Variants in VPS16 observed in about 807,000 individuals in gnomAD.
VPS16 encodes the protein vacuolar protein sorting-associated protein 16 homolog.
A neutral mutation model predicts 116.0 loss-of-function variants in VPS16; 82 were observed. The ratio of observed to expected loss-of-function variants is 0.71; its 90% CI spans 0.59 to 0.85. The LOEUF is 0.85. Ranked by LOEUF, VPS16 falls within the 40% of genes least tolerant of loss-of-function variation. The pLI, the probability that VPS16 is intolerant of heterozygous loss-of-function variation, is 0.00. For synonymous variants in VPS16, 406 were observed against 420.7 expected, an observed-to-expected ratio of 0.96 and a Z score of 0.43; for missense variants, 928 against 1,090.6, an observed-to-expected ratio of 0.85 and a Z score of 2.10.
intron 7 of VPS16, 63 bp downstream of exon 7, chr20:2,861,155 T>C: frequency 1.2e-6 from 2 of 1,614,144 alleles, no homozygotes; most frequent in South Asian, 2.2e-5. Flanking sequence ...CTTTTGGTGA[T>C]GCGGGAGGGC....
At position 2,856,980 on chromosome 20, in the gene VPS16, C is replaced by CT. The variant is rs3053469; in HGVS notation, c.54-2724dup. Reference sequence around the variant, plus strand: ...TGAACTTTTTTTTCTTTTTCTTTTTCTTTTTTTTTTTTTTTGAGACAGAGT... The same window carrying CT: ...TGAACTTTTTTTTCTTTTTCTTTTTCTTTTTTTTTTTTTTTTGAGACAGAGT... On this transcript the variant is annotated intron_variant, in intron 1 of 23. Coordinates refer to ENST00000380445, the MANE Select transcript of VPS16 (RefSeq NM_022575.4). Among the ~76,000 whole-genome samples, 187 of 142,128 alleles carry CT rather than the reference C, an allele frequency of 1.3e-3. 1 individual carries two copies. The highest frequency in any genetic ancestry group is 2.4e-3 in the Admixed American group (34 of 14,322). 93.2% of individuals were successfully genotyped at this position (142,128 alleles called of 152,430 possible).
At position 2,864,021 on chromosome 20, in the gene VPS16, GT is replaced by G; in HGVS notation, c.1550del (p.Val517AlafsTer37). 1 of 1,614,180 alleles carries G rather than the reference GT, an allele frequency of 6.2e-7. No individual in the cohort carries two copies. The highest frequency in any genetic ancestry group is 8.5e-7 in the Non-Finnish European group (1 of 1,180,028). ...CCAGAAGCTGGGGGACACGCCTGGTGTCTCTTACTCCGACATTGCTGCACGA... is the reference window on the plus strand; with the variant it reads ...CCAGAAGCTGGGGGACACGCCTGGTGCTCTTACTCCGACATTGCTGCACGA... ...INQKLGDTPG[V>X]SYSDIAARAY... On this transcript the variant is annotated frameshift_variant, in exon 16 of 24. Transcript: ENST00000380445. LOFTEE classifies it high-confidence loss of function. This position sits in a 1 kb window ranked among gnomAD's most constrained non-coding sequence, Gnocchi z 5.2.
intron 7 of VPS16, 53 bp downstream of exon 7, chr20:2,861,145 C>G (rs2089223666): frequency 1.9e-6 from 3 of 1,614,176 alleles, no homozygotes; most frequent in South Asian, 1.1e-5. Flanking sequence ...GGTACAAGAT[C>G]TTTTGGTGAT....
At chr20:2,845,762 C>T (rs1366435808) in intron 1 of VPS16, among the ~76,000 whole-genome samples, 2 of 152,128 alleles carry the variant, frequency 1.3e-5, no homozygotes, top group Non-Finnish European at 2.9e-5. Flanking sequence ...CCTCAAACAA[C>T]TCCCCATTTC....
In VPS16 at chr20:2,859,699, G is replaced by A; in HGVS notation, c.54-20G>A. On this transcript the variant is annotated intron_variant, in intron 1 of 23. Coordinates refer to ENST00000380445, the MANE Select transcript of VPS16 (RefSeq NM_022575.4). ...ATGCAGGGTAATGAGGCTAATTTCT[G>A]CTCATCTCTGTGTGGGCAGGAAATA... 1 of 1,612,764 alleles carries A rather than the reference G, an allele frequency of 6.2e-7. No individual in the cohort carries two copies. The highest frequency in any genetic ancestry group is 1.3e-5 in the African/African-American group (1 of 74,996).
intron 1 of VPS16, among the ~76,000 whole-genome samples, chr20:2,847,257 A>G (rs1487045027): frequency 6.6e-6 from 1 of 152,136 alleles, no homozygotes; most frequent in Non-Finnish European, 1.5e-5. Context: ...TCCTTGACCA[A>G]CTGCACTGCT....
In VPS16 at chr20:2,863,951, G is replaced by A. The variant is rs1342902494; in HGVS notation, c.1479G>A (p.Val493=). ...RILAHWACYK[V]QQKDVSDEDV... Reference sequence around the variant, plus strand: ...GTGACACCCCGCATCCCTTGCAGGTGCAACAGAAGGATGTCTCAGATGAGG... The same window carrying A: ...GTGACACCCCGCATCCCTTGCAGGTACAACAGAAGGATGTCTCAGATGAGG... Residue 493 remains valine, a splice_region_variant and synonymous_variant, in exon 16 of 24, where the codon GTG becomes GTA. Transcript: ENST00000380445. This position sits in a 1 kb window ranked among gnomAD's most constrained non-coding sequence, Gnocchi z 4.4. 3 of 1,613,514 alleles carry A rather than the reference G, an allele frequency of 1.9e-6. No individual in the cohort carries two copies. The highest frequency in any genetic ancestry group is 1.1e-5 in the South Asian group (1 of 91,054).
Position 2,864,667 on chromosome 20 carries a change from T to C in VPS16, c.1926+13T>C, listed in dbSNP as rs141327554. On this transcript the variant is annotated intron_variant, in intron 19 of 23. Transcript: ENST00000380445. The surrounding 1 kb of genome is among the most constrained non-coding windows in gnomAD (Gnocchi z 5.2). ...TGCTGCAGAAGAGGTCTGAGATCCA[T>C]GGGGCGTGTGGGGCGTGTGGGGCAT... The C allele has an allele frequency of 2.4e-4, 391 of 1,596,072 alleles. 3 individuals are homozygous for C. The Middle Eastern group carries it at 3.2e-3, about 13-fold the overall frequency.
At chr20:2,856,018 C>T (rs1282276203) in intron 1 of VPS16, among the ~76,000 whole-genome samples, 3 of 152,242 alleles carry the variant, frequency 2.0e-5, no homozygotes, top group Admixed American at 6.5e-5. Flanking sequence ...AACTGGCACA[C>T]GAGGCCTAGC....
At position 2,863,437 on chromosome 20, in the gene VPS16, T is replaced by C; in HGVS notation, c.1476+39T>C. On this transcript the variant is annotated intron_variant, in intron 15 of 23. Transcript: ENST00000380445. The surrounding 1 kb of genome is among the most constrained non-coding windows in gnomAD (Gnocchi z 4.4). Reference sequence around the variant, plus strand: ...ATGGGGTCCAAGGGCATTTAGAGGATTCCAGGCCCTGGTGAGGTGGAGGAA... The same window carrying C: ...ATGGGGTCCAAGGGCATTTAGAGGACTCCAGGCCCTGGTGAGGTGGAGGAA... 6.3e-7 allele frequency: 1 copy of C among 1,594,576 alleles called. No individual in the cohort carries two copies. Among genetic ancestry groups the C allele is most frequent in the Non-Finnish European group, 8.6e-7 (1 of 1,162,716 alleles).
Position 2,863,874 on chromosome 20 carries a change from G to A in VPS16, c.1477-75G>A, listed in dbSNP as rs2089278361. The A allele has an allele frequency of 3.2e-6, 5 of 1,558,360 alleles. No homozygotes were observed. Among genetic ancestry groups the A allele is most frequent in the East Asian group, 2.3e-5 (1 of 44,082 alleles). ...GAGGGAGGAAGGGAACTGAAGGGGTGGGTCCTAAGGGCTTGCAGGAGTGGA... is the reference window on the plus strand; with the variant it reads ...GAGGGAGGAAGGGAACTGAAGGGGTAGGTCCTAAGGGCTTGCAGGAGTGGA... On this transcript the variant is annotated intron_variant, in intron 15 of 23. Coordinates refer to ENST00000380445, the MANE Select transcript of VPS16 (RefSeq NM_022575.4). The surrounding 1 kb of genome is among the most constrained non-coding windows in gnomAD (Gnocchi z 4.4).
intron 1 of VPS16, among the ~76,000 whole-genome samples, chr20:2,846,368 C>T (rs2089060072): frequency 6.6e-6 from 1 of 152,036 alleles, no homozygotes; most frequent in Admixed American, 6.6e-5. Flanking sequence ...CTGCCTGCCT[C>T]GGCCTCCCAA....
At position 2,863,327 on chromosome 20, in the gene VPS16, A is replaced by G; in HGVS notation, c.1405A>G (p.Ile469Val). The G allele has an allele frequency of 6.2e-7, 1 of 1,614,168 alleles. No homozygotes were observed. The highest frequency in any genetic ancestry group is 8.5e-7 in the Non-Finnish European group (1 of 1,180,038). ...GAGACTTTACCCCCTGGCCATCCAG[A>G]TATGCGAGTACTTGCGCCTTCCTGA... The part of the protein sequence containing the change: ...LRRLYPLAIQ[I>V]CEYLRLPEVQ... The change falls in exon 15 of 24, where the codon ATA (isoleucine) becomes GTA (valine). Residue 469 changes from isoleucine to valine, a missense_variant. By Grantham distance (29) the Ile-to-Val change is conservative. Coordinates refer to ENST00000380445, the MANE Select transcript of VPS16 (RefSeq NM_022575.4). The surrounding 1 kb of genome is among the most constrained non-coding windows in gnomAD (Gnocchi z 4.4).
chr20:2,863,835 A>AAG lies in VPS16; in HGVS notation c.1477-112_1477-111dup. 1 of 1,410,220 alleles carries AAG rather than the reference A, an allele frequency of 7.1e-7. No homozygotes were observed. Among genetic ancestry groups the AAG allele is most frequent in the Non-Finnish European group, 9.6e-7 (1 of 1,040,886 alleles). The allele number at this position is 1,410,220 out of a possible 1,614,324, so 87.4% of individuals were successfully genotyped here. A position where few individuals can be genotyped will look rare whatever the true frequency, so the allele number is the denominator to read the frequency against. On this transcript the variant is annotated intron_variant, in intron 15 of 23. Coordinates refer to ENST00000380445, the MANE Select transcript of VPS16 (RefSeq NM_022575.4). This position sits in a 1 kb window ranked among gnomAD's most constrained non-coding sequence, Gnocchi z 4.4. ...GAAAGAAGAAAGAGAGAAAGAAAGA[A>AAG]AGAAGAAGGAAGGGAGGGAGGAAGG...
chr20:2,840,879 C>G, intron 1 of VPS16, 52 bp downstream of exon 1: 1 of 1,513,844 alleles, frequency 6.6e-7, no homozygotes. Flanking sequence ...GCTCGCCCGC[C>G]GGCTGGAGTC....
Position 2,864,961 on chromosome 20 carries a change from C to G in VPS16, c.1927-17C>G. On this transcript the variant is annotated splice_polypyrimidine_tract_variant and intron_variant, in intron 19 of 23. Transcript: ENST00000380445. This position sits in a 1 kb window ranked among gnomAD's most constrained non-coding sequence, Gnocchi z 5.2. ...CCTGCATGCTGTGAGTTCAGGCCTT[C>G]CTTCTTGTCTTTATAGCGTATTGAG... 1 of 1,614,150 alleles carries G rather than the reference C, an allele frequency of 6.2e-7. No homozygotes were observed. Among genetic ancestry groups the G allele is most frequent in the Non-Finnish European group, 8.5e-7 (1 of 1,180,004 alleles).
At chr20:2,861,991 G>A (rs2089233566) in intron 10 of VPS16, 63 bp from the exon 11 acceptor site, 3 of 1,607,622 alleles carry the variant, frequency 1.9e-6, no homozygotes, top group East Asian at 2.2e-5. Context: ...CAGGAATAGG[G>A]TGTTGAGGCA....
chr20:2,846,112 CTTT>C (rs34440512), intron 1 of VPS16, among the ~76,000 whole-genome samples: 8 of 89,674 alleles, frequency 8.9e-5, no homozygotes, highest in African/African-American at 3.9e-4. Flanking sequence ...CTGTACTCCG[CTTT>C]TTTTTTTTTT....
intron 1 of VPS16, among the ~76,000 whole-genome samples, chr20:2,855,382 T>C (rs1228337333): frequency 2.0e-5 from 3 of 152,110 alleles, no homozygotes; most frequent in Admixed American, 2.0e-4. Flanking sequence ...GGCTTTGTTA[T>C]CCCGTTTCTA....
Sources: allele counts gnomAD v4.1 joint callset (sites outside exome capture counted in the v4.1 genomes callset), GRCh38; gene constraint gnomAD v4.1.1; non-coding constraint Gnocchi (gnomAD v3.1); transcripts MANE v1.5; gene names NCBI Gene and HGNC (gene_info 2026-07-23, HGNC 2026-07-21).